The following ZNF765 variants were observed in gnomAD, a reference collection of about 807,000 sequenced individuals.
ZNF765 encodes zinc finger protein 765.
In ZNF765, 37 loss-of-function variants were observed where a neutral mutation model predicts 44.7. That is an observed-to-expected ratio of 0.83 (90% CI 0.64 to 1.09). ZNF765 has a LOEUF of 1.09. Among genes scored for constraint, ZNF765 ranks in the 50% least tolerant of loss-of-function variants. The pLI is 0.00. For missense variants in ZNF765, 594 were observed against 626.1 expected, an observed-to-expected ratio of 0.95 and a Z score of 0.55; for synonymous variants, 201 against 213.7, an observed-to-expected ratio of 0.94 and a Z score of 0.52.
At chr19:53,416,454 A>C (rs60509842), downstream of ZNF765, among the ~76,000 whole-genome samples, 41,704 of 152,052 alleles carry the variant, frequency 0.27, 6,027 homozygotes, top group Middle Eastern at 0.34. Flanking sequence ...TTAATTAATA[A>C]ATTACCAGAC....
intron 1 of ZNF765, among the ~76,000 whole-genome samples, chr19:53,397,738 C>T (rs982452682): frequency 8.6e-5 from 13 of 151,868 alleles, no homozygotes; most frequent in African/African-American, 2.9e-4. Flanking sequence ...TCATCCCACC[C>T]CAGCTCCCCA....
chr19:53,401,295 G>A (rs1228872595), intron 2 of ZNF765, among the ~76,000 whole-genome samples: 2 of 152,124 alleles, frequency 1.3e-5, no homozygotes, highest in Non-Finnish European at 2.9e-5. Context: ...CGGGCACTGT[G>A]TCTGACGCCT....
At chr19:53,399,617 A>G (rs1473849105) in intron 2 of ZNF765, among the ~76,000 whole-genome samples, 3 of 151,590 alleles carry the variant, frequency 2.0e-5, no homozygotes, top group Admixed American at 6.6e-5. Flanking sequence ...GGAAGCAGAC[A>G]TTGCAGTGAG....
chr19:53,407,840 T>A lies in ZNF765; in HGVS notation c.285T>A (p.His95Gln), dbSNP rs776639631. 1 of 1,613,452 alleles carries A rather than the reference T, an allele frequency of 6.2e-7. No individual in the cohort carries two copies. Among genetic ancestry groups the A allele is most frequent in the Non-Finnish European group, 8.5e-7 (1 of 1,179,842 alleles). Reference protein sequence around the residue: ...FCFQDIDKDIHDIEFQWQEDE... With the variant: ...FCFQDIDKDIQDIEFQWQEDE... The stretch of plus-strand genomic sequence containing the variant: ...TCCAGGATATTGATAAAGATATTCA[T>A]GACATTGAGTTTCAGTGGCAAGAAG... Residue 95 changes from histidine to glutamine, a missense_variant, in exon 4 of 4, where the codon CAT becomes CAA. By Grantham distance (24) the His-to-Gln change is conservative. Around this residue, in one of 2 missense-constraint regions of ZNF765, gnomAD observed 567 missense variants for 572.6 expected, o/e 0.99. Transcript: ENST00000396408.
rs534816808 is a variant in ZNF765 at position 53,408,874 on chromosome 19, G to A, written c.1319G>A (p.Cys440Tyr). ...CATAGTGGAGAGAAACCTTACAAATGTGAAGAATGTGACAAAGCCTACAGT... is the reference window on the plus strand; with the variant it reads ...CATAGTGGAGAGAAACCTTACAAATATGAAGAATGTGACAAAGCCTACAGT... ...RLHSGEKPYK[C>Y]EECDKAYSFK... The change falls in exon 4 of 4, where the codon TGT becomes TAT. Residue 440 changes from cysteine (C) to tyrosine (Y), a missense_variant. By Grantham distance (194) the Cys-to-Tyr change is radical. Transcript: ENST00000396408. 5.2e-5 allele frequency: 84 copies of A among 1,613,348 alleles called. No individual in the cohort carries two copies. Among genetic ancestry groups the A allele is most frequent in the Non-Finnish European group, 6.4e-5 (75 of 1,179,838 alleles).
chr19:53,406,720 G>C (rs1345346559), intron 3 of ZNF765, among the ~76,000 whole-genome samples: 2 of 152,178 alleles, frequency 1.3e-5, no homozygotes, highest in African/African-American at 4.8e-5. Flanking sequence ...TTCGAGGCCA[G>C]CCTGGCCAAC....
intron 3 of ZNF765, among the ~76,000 whole-genome samples, chr19:53,420,306 T>A (rs1181062924): frequency 6.6e-6 from 1 of 152,180 alleles, no homozygotes; most frequent in East Asian, 1.9e-4. Context: ...CACTCCAGCC[T>A]GGTGACAGAG....
Position 53,410,879 on chromosome 19 carries a change from A to C in ZNF765, c.*1752A>C. On this transcript the variant is annotated 3_prime_UTR_variant, in exon 4 of 4. Coordinates refer to ENST00000396408, the MANE Select transcript of ZNF765 (RefSeq NM_001040185.3). ...GCGGCAAAGCCTTTAATTCACATTCACACCTCACTAGACATCAGAGAATGC... is the reference window on the plus strand; with the variant it reads ...GCGGCAAAGCCTTTAATTCACATTCCCACCTCACTAGACATCAGAGAATGC... 2.1e-6 allele frequency: 1 copy of C among 469,224 alleles called. No homozygotes were observed. Among genetic ancestry groups the C allele is most frequent in the South Asian group, 1.6e-5 (1 of 63,190 alleles). The allele number at this position is 469,224 out of a possible 1,614,324, so 29.1% of individuals were successfully genotyped here.
chr19:53,424,825 G>A (rs2085929474), exon 4 of ZNF765: 1 of 151,982 alleles, frequency 6.6e-6, no homozygotes, highest in Admixed American at 6.6e-5. Context: ...CACCAAGCCT[G>A]GCTAATTTTG....
chr19:53,414,487 A>ACCCCCCC, downstream of ZNF765, among the ~76,000 whole-genome samples: 1 of 1,912 alleles, frequency 5.2e-4, no homozygotes, highest in Admixed American at 0.015. Context: ...ACACACACAC[A>ACCCCCCC]CACCCCCCCC....
chr19:53,395,755 G>A (rs183253386), intron 1 of ZNF765, among the ~76,000 whole-genome samples: 1,544 of 152,312 alleles, frequency 0.01, 9 homozygotes, highest in Non-Finnish European at 0.017. Flanking sequence ...CCTGTGACAC[G>A]GGGTGTTCTT....
intron 3 of ZNF765, among the ~76,000 whole-genome samples, chr19:53,417,611 A>G (rs2085883087): frequency 6.6e-6 from 1 of 152,238 alleles, no homozygotes; most frequent in South Asian, 2.1e-4. Context: ...TCTTTACAAT[A>G]GAACAATTTA....
exon 4 of ZNF765, chr19:53,423,326 G>A (rs780347085): frequency 6.4e-5 from 40 of 622,920 alleles, no homozygotes; most frequent in South Asian, 5.9e-4. Context: ...CCAGAGAGTC[G>A]CTGACGCGGC....
chr19:53,413,264 G>A (rs573579062), downstream of ZNF765: 146 of 594,620 alleles, frequency 2.5e-4, no homozygotes, highest in Non-Finnish European at 4.2e-4. Context: ...CCATTCCCCA[G>A]TGGATTCAGA....
chr19:53,405,435 C>T (rs1247688761), intron 3 of ZNF765, among the ~76,000 whole-genome samples: 1 of 151,770 alleles, frequency 6.6e-6, no homozygotes, highest in Non-Finnish European at 1.5e-5. Context: ...AGAGAAATAG[C>T]TTAAACTGGG....
intron 3 of ZNF765, among the ~76,000 whole-genome samples, chr19:53,405,374 A>G (rs146586750): frequency 2.2e-4 from 34 of 152,242 alleles, no homozygotes; most frequent in Admixed American, 3.9e-4. Flanking sequence ...TCATGCCACT[A>G]CACTCCAGCA....
chr19:53,404,047 G>C (rs770726395), intron 3 of ZNF765, among the ~76,000 whole-genome samples: 13 of 152,286 alleles, frequency 8.5e-5, no homozygotes, highest in Admixed American at 2.0e-4. Flanking sequence ...ACCAGTTTCT[G>C]TATGTGTCCT....
exon 4 of ZNF765, chr19:53,424,978 C>G (rs984113995): frequency 6.6e-6 from 1 of 152,130 alleles, no homozygotes; most frequent in Non-Finnish European, 1.5e-5. Context: ...TTCCTCCATT[C>G]TATAACCCTT....
intron 3 of ZNF765, among the ~76,000 whole-genome samples, chr19:53,402,879 A>AT (rs1032772173): frequency 1.3e-4 from 20 of 152,024 alleles, no homozygotes; most frequent in Non-Finnish European, 2.8e-4. Context: ...TATTTTAAAA[A>AT]TTTTTGCATA....
Sources: allele counts gnomAD v4.1 joint callset (sites outside exome capture counted in the v4.1 genomes callset), GRCh38; gene constraint gnomAD v4.1.1; regional missense constraint gnomAD v4.1.1; transcripts MANE v1.5; gene names NCBI Gene and HGNC (gene_info 2026-07-23, HGNC 2026-07-21).